The following ATG16L1 variants were observed in gnomAD, a reference collection of about 807,000 sequenced individuals.
ATG16L1 encodes the protein autophagy related 16 like 1.
Under a neutral mutation model 88.5 loss-of-function variants are expected in ATG16L1, and 37 were observed. That is an observed-to-expected ratio of 0.42 (90% CI 0.32 to 0.55). The LOEUF (loss-of-function observed/expected upper bound fraction) is 0.55. Among genes scored for constraint, ATG16L1 ranks in the 20% least tolerant of loss-of-function variants. The pLI, the probability that ATG16L1 is intolerant of heterozygous loss-of-function variation, is 0.13. For missense variants in ATG16L1, 554 were observed against 752.8 expected, an observed-to-expected ratio of 0.74 and a Z score of 3.09; for synonymous variants, 301 against 281.0, an observed-to-expected ratio of 1.07 and a Z score of -0.71.
intron 5 of ATG16L1, among the ~76,000 whole-genome samples, chr2:233,266,664 T>G (rs773892914): frequency 1.3e-5 from 2 of 152,190 alleles, no homozygotes; most frequent in Non-Finnish European, 2.9e-5. Flanking sequence ...ATCAAAGAGA[T>G]AATCTGCACT....
chr2:233,252,038 G>A (rs950950568), intron 1 of ATG16L1, 96 bp downstream of exon 1: 4 of 1,109,922 alleles, frequency 3.6e-6, no homozygotes, highest in Non-Finnish European at 4.8e-6. Flanking sequence ...CCCTGGCGCC[G>A]CCCGCACGCA....
chr2:233,253,135 G>A (rs1337270240), intron 1 of ATG16L1, among the ~76,000 whole-genome samples: 1 of 152,070 alleles, frequency 6.6e-6, no homozygotes, highest in East Asian at 1.9e-4. Flanking sequence ...AGTTATCAGT[G>A]TTTTTTGATG....
rs1264075662 is a variant in ATG16L1 at position 233,292,228 on chromosome 2, T to A, written c.1531T>A (p.Leu511Met). Residue 511 changes from leucine to methionine, a missense_variant, in exon 15 of 18, where the codon TTG becomes ATG. Around this residue, in one of 5 missense-constraint regions of ATG16L1, gnomAD observed 370 missense variants for 509.7 expected, o/e 0.73. Transcript: ENST00000392017. ...GCTCCTGAGCTGCTCCCGTGATGAC[T>A]TGCTAAAAGTTATTGATCTCCGAAC... ...TELLSCSRDDLLKVIDLRTNA... is the reference protein window; with the variant it reads ...TELLSCSRDDMLKVIDLRTNA... 1 of 1,614,108 alleles carries A rather than the reference T, an allele frequency of 6.2e-7. No individual in the cohort carries two copies. Among genetic ancestry groups the A allele is most frequent in the Non-Finnish European group, 8.5e-7 (1 of 1,180,048 alleles).
chr2:233,267,381 G>C (rs1697677289), intron 5 of ATG16L1, among the ~76,000 whole-genome samples: 1 of 152,036 alleles, frequency 6.6e-6, no homozygotes, highest in Non-Finnish European at 1.5e-5. Context: ...TTAGTGCTGT[G>C]GAAAATGCCT....
intron 4 of ATG16L1, 127 bp downstream of exon 4, chr2:233,264,192 C>T: frequency 1.2e-6 from 1 of 869,118 alleles, no homozygotes; most frequent in Non-Finnish European, 1.9e-6. Flanking sequence ...GTTTGATTTT[C>T]AGTGCATACA....
At chr2:233,266,493 A>G (rs1243516068) in intron 5 of ATG16L1, among the ~76,000 whole-genome samples, 3 of 152,224 alleles carry the variant, frequency 2.0e-5, no homozygotes, top group Non-Finnish European at 4.4e-5. Flanking sequence ...ATTAGAACAT[A>G]CATATTTTTA....
chr2:233,275,365 G>T (rs1005374435), intron 9 of ATG16L1: 2 of 238,032 alleles, frequency 8.4e-6, no homozygotes, highest in Admixed American at 5.0e-5. Context: ...TTCAGTACCT[G>T]GCTCAGAACT....
chr2:233,293,234 C>A (rs370269637), intron 16 of ATG16L1, 22 bp from the exon 17 acceptor site: 6 of 1,608,884 alleles, frequency 3.7e-6, no homozygotes, highest in Non-Finnish European at 5.1e-6. Context: ...GACAACCTTT[C>A]TTTTCTTACT....
chr2:233,292,913 C>A (rs916188280), intron 16 of ATG16L1, among the ~76,000 whole-genome samples: 2 of 152,212 alleles, frequency 1.3e-5, no homozygotes, highest in East Asian at 1.9e-4. Flanking sequence ...TCCCTCCTCT[C>A]TTTGAGGCAT....
intron 7 of ATG16L1, 154 bp from the exon 8 acceptor site, chr2:233,273,567 G>A (rs1312808394): frequency 3.2e-6 from 2 of 632,166 alleles, no homozygotes; most frequent in East Asian, 2.8e-5. Flanking sequence ...ACTGTTTTCT[G>A]GCAGTTTGGT....
At chr2:233,268,877 G>A (rs917776975) in intron 5 of ATG16L1, among the ~76,000 whole-genome samples, 2 of 152,116 alleles carry the variant, frequency 1.3e-5, no homozygotes, top group Admixed American at 6.5e-5. Flanking sequence ...AATTACCACC[G>A]TGGTAAAAAC....
chr2:233,259,824 C>G (rs1007761370), intron 2 of ATG16L1, among the ~76,000 whole-genome samples: 5 of 152,174 alleles, frequency 3.3e-5, no homozygotes, highest in African/African-American at 1.2e-4. Context: ...TCTCCACCCC[C>G]TAGCCTCTTG....
At chr2:233,290,779 T>C (rs957575237) in intron 14 of ATG16L1, among the ~76,000 whole-genome samples, 1 of 152,284 alleles carries the variant, frequency 6.6e-6, no homozygotes, top group South Asian at 2.1e-4. Flanking sequence ...CTCAAACTTT[T>C]GAGTGTGTGT....
rs1299082861 is a variant in ATG16L1 at position 233,281,123 on chromosome 2, G to T, written c.1079G>T (p.Gly360Val). Residue 360 changes from glycine to valine, a missense_variant, in exon 11 of 18, where the codon GGT becomes GTT. Transcript: ENST00000392017. ...TATACAGAAAAATGTGAGTTCAAGG[G>T]TTCCCTATCTGGCAGTAATGCAGGA... Reference protein sequence around the residue: ...EVFGEKCEFKGSLSGSNAGIT... With the variant: ...EVFGEKCEFKVSLSGSNAGIT... The T allele has an allele frequency of 6.2e-7, 1 of 1,603,532 alleles. No homozygotes were observed. Among genetic ancestry groups the T allele is most frequent in the African/African-American group, 1.3e-5 (1 of 74,306 alleles).
At chr2:233,293,554 G>A (rs762524261) in intron 17 of ATG16L1, among the ~76,000 whole-genome samples, 197 bp downstream of exon 17, 2 of 152,134 alleles carry the variant, frequency 1.3e-5, no homozygotes, top group Admixed American at 6.5e-5. Flanking sequence ...TACAGAGTAC[G>A]CCAGGTAGAG....
At chr2:233,254,925 G>A (rs544481447) in intron 1 of ATG16L1, among the ~76,000 whole-genome samples, 1 of 151,964 alleles carries the variant, frequency 6.6e-6, no homozygotes, top group African/African-American at 2.4e-5. Context: ...GATCTTACTG[G>A]TGCCTGTGTA....
chr2:233,293,781 G>T (rs768056989), intron 17 of ATG16L1, among the ~76,000 whole-genome samples: 39 of 152,046 alleles, frequency 2.6e-4, no homozygotes, highest in Non-Finnish European at 2.4e-4. Flanking sequence ...CACCTGATAG[G>T]CAGGCCCCAG....
rs1293059305 is a variant in ATG16L1, at chr2:233,286,785, C to A, written c.1204-3069C>A. On this transcript the variant is annotated intron_variant, in intron 12 of 17. Coordinates refer to ENST00000392017, the MANE Select transcript of ATG16L1 (RefSeq NM_030803.7). ...GGACTACAGGCGCCCGCCACCACGT[C>A]CAGCTAAGTTTTTGTATTTTTAGTA... Among the ~76,000 whole-genome samples the A allele has an allele frequency of 2.6e-5, 4 of 151,702 alleles. No individual in the cohort carries two copies. The East Asian group carries it at 7.7e-4, about 29-fold the overall frequency.
chr2:233,278,078 T>G (rs1392004346), intron 10 of ATG16L1, among the ~76,000 whole-genome samples: 1 of 152,198 alleles, frequency 6.6e-6, no homozygotes, highest in African/African-American at 2.4e-5. Flanking sequence ...TTGATGCATT[T>G]AATGACAATT....
Sources: gnomAD v4.1 joint callset for allele counts (sites outside exome capture counted in the v4.1 genomes callset) on GRCh38, gnomAD v4.1.1 for gene constraint, gnomAD v4.1.1 regional missense constraint, MANE v1.5 for transcripts, NCBI Gene and HGNC (gene_info 2026-07-23, HGNC 2026-07-21) for gene names.